The following DLG2 variants were observed in gnomAD, a reference collection of about 807,000 sequenced individuals.
The protein encoded by DLG2 is discs large MAGUK scaffold protein 2, also known as disks large homolog 2.
In DLG2, 45 loss-of-function variants were observed where a neutral mutation model predicts 132.5. The ratio of observed to expected loss-of-function variants is 0.34; its 90% CI spans 0.27 to 0.44. The LOEUF is 0.44. Among genes scored for constraint, DLG2 ranks in the 20% least tolerant of loss-of-function variants. DLG2 has a pLI of 1.00. For synonymous variants in DLG2, 424 were observed against 419.6 expected (o/e 1.01, Z -0.13); for missense variants, 1,045 against 1,196.9 (o/e 0.87, Z 1.87).
chr11:84,395,305 G>T (rs556490358), intron 7 of DLG2, among the ~76,000 whole-genome samples: 3 of 152,118 alleles, frequency 2.0e-5, no homozygotes, highest in African/African-American at 7.2e-5. Context: ...GTCTTTGTGG[G>T]TTGATTTCAA....
intron 4 of DLG2, among the ~76,000 whole-genome samples, chr11:85,277,775 A>C (rs2077981356): frequency 6.6e-6 from 1 of 152,292 alleles, no homozygotes; most frequent in Middle Eastern, 3.4e-3. Context: ...TTTGTCAAGA[A>C]AAAATCTATC....
chr11:84,843,492 T>C lies in DLG2; in HGVS notation c.357+268169A>G, dbSNP rs1458444634. ...GTTAAGTACATTTTAGCCACCTCCA[T>C]CATCATCATCATTATTCCTTTGTAT... On this transcript the variant is annotated intron_variant, in intron 6 of 27. Transcript: ENST00000376104. Among the ~76,000 whole-genome samples, 3 of 151,800 alleles carry C rather than the reference T, an allele frequency of 2.0e-5. No homozygotes were observed. The East Asian group carries it at 5.8e-4, about 29-fold the overall frequency.
chr11:84,728,191 G>C (rs1205771574), intron 6 of DLG2, among the ~76,000 whole-genome samples: 1 of 152,108 alleles, frequency 6.6e-6, no homozygotes, highest in Non-Finnish European at 1.5e-5. Flanking sequence ...AATGCTTCCA[G>C]TTTTTGCCCA....
chr11:84,780,871 C>T (rs1352209072), intron 6 of DLG2, among the ~76,000 whole-genome samples: 2 of 151,256 alleles, frequency 1.3e-5, no homozygotes, highest in African/African-American at 4.9e-5. Context: ...TCCTTTATGC[C>T]ATTATAGTTT....
At chr11:85,253,520 C>T (rs907392182) in intron 4 of DLG2, among the ~76,000 whole-genome samples, 4 of 151,974 alleles carry the variant, frequency 2.6e-5, no homozygotes, top group African/African-American at 7.3e-5. Context: ...TTTTGGGCAC[C>T]GACAAGAGCG....
chr11:83,665,352 C>T (rs191620251), intron 18 of DLG2, among the ~76,000 whole-genome samples: 188 of 152,228 alleles, frequency 1.2e-3, no homozygotes, highest in South Asian at 0.012. Flanking sequence ...AATGGAGATA[C>T]GACAGTGAAT....
intron 3 of DLG2, among the ~76,000 whole-genome samples, chr11:85,321,450 A>C (rs1218946102): frequency 6.6e-6 from 1 of 152,078 alleles, no homozygotes; most frequent in Non-Finnish European, 1.5e-5. Context: ...GATTGCATTT[A>C]AGTCACAAAA....
chr11:85,124,337 C>T (rs144759425), intron 5 of DLG2, among the ~76,000 whole-genome samples: 5 of 152,202 alleles, frequency 3.3e-5, no homozygotes, highest in Admixed American at 1.3e-4. Flanking sequence ...CTCTACCATA[C>T]GGTGATGCTA....
chr11:84,907,438 A>G (rs950008436), intron 6 of DLG2, among the ~76,000 whole-genome samples: 1 of 152,166 alleles, frequency 6.6e-6, no homozygotes, highest in Non-Finnish European at 1.5e-5. Context: ...TTTCCCAACA[A>G]CAGTTCAATT....
intron 8 of DLG2, among the ~76,000 whole-genome samples, chr11:84,166,270 G>A (rs1469778400): frequency 1.3e-5 from 2 of 152,166 alleles, no homozygotes; most frequent in African/African-American, 4.8e-5. Context: ...TTGGGAGGCA[G>A]GAGCAGGCGG....
intron 11 of DLG2, among the ~76,000 whole-genome samples, chr11:83,988,822 T>TA (rs1207020756): frequency 6.6e-6 from 1 of 152,074 alleles, no homozygotes; most frequent in East Asian, 1.9e-4. Context: ...ACTATATATA[T>TA]TTTTTTCCTT....
intron 10 of DLG2, among the ~76,000 whole-genome samples, chr11:84,066,674 T>C (rs2096678411): frequency 6.6e-6 from 1 of 151,962 alleles, no homozygotes; most frequent in Admixed American, 6.5e-5. Flanking sequence ...GGCAGGAGAA[T>C]CGCTTGAACC....
chr11:85,266,873 C>T (rs1183052352), intron 4 of DLG2, among the ~76,000 whole-genome samples: 1 of 152,168 alleles, frequency 6.6e-6, no homozygotes, highest in Non-Finnish European at 1.5e-5. Flanking sequence ...ATGTTAGAAA[C>T]CAAAACTTTT....
chr11:83,609,279 T>G (rs755836053), intron 19 of DLG2, among the ~76,000 whole-genome samples: 7 of 152,208 alleles, frequency 4.6e-5, no homozygotes, highest in Admixed American at 1.3e-4. Context: ...ACATACAGGC[T>G]TCAGAGACCT....
chr11:83,717,018 T>A (rs761046634), intron 18 of DLG2, among the ~76,000 whole-genome samples: 12 of 152,212 alleles, frequency 7.9e-5, no homozygotes, highest in Non-Finnish European at 1.6e-4. Context: ...ATCTCAGTTT[T>A]AAAAGGAACT....
chr11:85,449,096 C>A (rs1597419570), intron 3 of DLG2, among the ~76,000 whole-genome samples: 1 of 152,038 alleles, frequency 6.6e-6, no homozygotes, highest in Non-Finnish European at 1.5e-5. Flanking sequence ...TTTATTCTGT[C>A]CTTTTTCTAA....
chr11:84,173,679 C>A (rs1450946339), intron 8 of DLG2, among the ~76,000 whole-genome samples: 12 of 152,150 alleles, frequency 7.9e-5, no homozygotes, highest in Admixed American at 2.0e-4. Flanking sequence ...CCCTCTCTCT[C>A]CTCAATCCTC....
chr11:84,239,185 T>A (rs2097195941), intron 8 of DLG2, among the ~76,000 whole-genome samples: 1 of 152,042 alleles, frequency 6.6e-6, no homozygotes, highest in African/African-American at 2.4e-5. Flanking sequence ...TTTATCATTT[T>A]TATTATTATT....
chr11:84,211,629 T>A lies in DLG2; in HGVS notation c.573+39609A>T, dbSNP rs149768479. Among the ~76,000 whole-genome samples the A allele has an allele frequency of 2.6e-3, 399 of 152,334 alleles. 2 individuals carry two copies. The highest frequency in any genetic ancestry group is 9.1e-3 in the African/African-American group (380 of 41,574). On this transcript the variant is annotated intron_variant, in intron 8 of 27. Transcript: ENST00000376104. ...TGCCCACTTCCCAAATTTTCCCTAT[T>A]GCTTTAGGTAAAAACAATACTAAAA...
Sources: gnomAD v4.1 joint callset for allele counts (sites outside exome capture counted in the v4.1 genomes callset) on GRCh38, gnomAD v4.1.1 for gene constraint, MANE v1.5 for transcripts, NCBI Gene and HGNC (gene_info 2026-07-23, HGNC 2026-07-21) for gene names.